ESYT3: variants seen among roughly 807,000 people sequenced by gnomAD.
The protein encoded by ESYT3 is extended synaptotagmin 3, also known as extended synaptotagmin-3.
ESYT3 carries 101 observed loss-of-function variants against 111.5 expected under a neutral mutation model. The observed-to-expected ratio is 0.91, with a 90% CI of 0.77 to 1.07. The LOEUF (loss-of-function observed/expected upper bound fraction) is 1.07. Among genes scored for constraint, ESYT3 ranks in the 50% least tolerant of loss-of-function variants. The pLI, the probability that ESYT3 is intolerant of heterozygous loss-of-function variation, is 0.00. For synonymous variants in ESYT3, 416 were observed against 446.8 expected (o/e 0.93, Z 0.87); for missense variants, 1,097 against 1,109.4 (o/e 0.99, Z 0.16).
At chr3:138,456,847 T>G (rs1363893425) in intron 3 of ESYT3, among the ~76,000 whole-genome samples, 1 of 152,156 alleles carries the variant, frequency 6.6e-6, no homozygotes, top group African/African-American at 2.4e-5. Context: ...GTAGCACTGC[T>G]GGCAAGCAAT....
intron 2 of ESYT3, 145 bp downstream of exon 2, chr3:138,452,234 AC>A: frequency 1.4e-6 from 1 of 698,800 alleles, no homozygotes. Flanking sequence ...CTCTTCTTTC[AC>A]CAGAATGGCT....
At chr3:138,469,608 G>A in intron 15 of ESYT3, 104 bp downstream of exon 15, 1 of 838,420 alleles carries the variant, frequency 1.2e-6, no homozygotes, top group Non-Finnish European at 2.0e-6. Flanking sequence ...TGAATGCCTA[G>A]TAGGCACTTG....
intron 5 of ESYT3, among the ~76,000 whole-genome samples, chr3:138,459,720 GCC>G (rs919873732): frequency 1.3e-5 from 2 of 152,232 alleles, no homozygotes; most frequent in African/African-American, 4.8e-5. Flanking sequence ...AGGCAGTGGG[GCC>G]AGCTCAGGGC....
chr3:138,446,902 G>T (rs1470353065), intron 1 of ESYT3, among the ~76,000 whole-genome samples: 1 of 152,146 alleles, frequency 6.6e-6, no homozygotes, highest in Admixed American at 6.5e-5. Context: ...AGGCGTGGTG[G>T]TGCATACCTG....
intron 11 of ESYT3, among the ~76,000 whole-genome samples, chr3:138,467,827 A>G (rs1441538923): frequency 6.6e-6 from 1 of 152,082 alleles, no homozygotes; most frequent in Admixed American, 6.5e-5. Context: ...CCCACAGATT[A>G]AGGACCCCAG....
intron 1 of ESYT3, among the ~76,000 whole-genome samples, chr3:138,438,662 T>C: frequency 6.6e-6 from 1 of 152,226 alleles, no homozygotes; most frequent in Admixed American, 6.5e-5. Context: ...TTTCCCTGAC[T>C]GAACCTGTTT....
chr3:138,453,666 C>A (rs1195082041), intron 2 of ESYT3, among the ~76,000 whole-genome samples: 1 of 152,146 alleles, frequency 6.6e-6, no homozygotes, highest in Non-Finnish European at 1.5e-5. Context: ...CTGTGTATTA[C>A]TGAAAGAAAG....
chr3:138,475,771 C>T (rs1201808101), intron 20 of ESYT3, among the ~76,000 whole-genome samples: 1 of 151,980 alleles, frequency 6.6e-6, no homozygotes, highest in Admixed American at 6.6e-5. Context: ...CTACTAAAAA[C>T]ACAAAAAATT....
intron 1 of ESYT3, among the ~76,000 whole-genome samples, chr3:138,443,344 T>C (rs2031294641): frequency 6.6e-6 from 1 of 152,228 alleles, no homozygotes; most frequent in Non-Finnish European, 1.5e-5. Flanking sequence ...AATGGTTAAA[T>C]GTTTGCCTTC....
intron 2 of ESYT3, among the ~76,000 whole-genome samples, chr3:138,453,814 C>T (rs1269722812): frequency 6.6e-6 from 1 of 152,168 alleles, no homozygotes; most frequent in Non-Finnish European, 1.5e-5. Context: ...CTGCTTCTTC[C>T]AAATTTACCC....
rs368220551 is a variant in ESYT3, at chr3:138,473,554, A to T, written c.2256A>T (p.Arg752=). 4 of 1,613,496 alleles carry T rather than the reference A, an allele frequency of 2.5e-6. No individual in the cohort carries two copies. Among genetic ancestry groups the T allele is most frequent in the East Asian group, 2.2e-5 (1 of 44,856 alleles). ...TTTACAGAGGTGGGGACCTCAGGCG[A>T]CGGCAGCTGGGTGAGATTCAGCTCA... is the stretch of plus-strand genomic sequence containing the variant. The part of the protein sequence containing the change: ...SLNIEGGDLR[R]RQLGEIQLTV... The change falls in exon 19 of 23, where the codon CGA becomes CGT. Residue 752 remains arginine, a synonymous_variant. Transcript: ENST00000389567.
chr3:138,473,414 G>A, intron 18 of ESYT3, 122 bp from the exon 19 acceptor site: 1 of 825,198 alleles, frequency 1.2e-6, no homozygotes, highest in Non-Finnish European at 1.9e-6. Context: ...TAAACTCACT[G>A]TGAATTATTA....
chr3:138,445,259 T>C (rs751511913), intron 1 of ESYT3, among the ~76,000 whole-genome samples: 8 of 152,228 alleles, frequency 5.3e-5, no homozygotes, highest in Non-Finnish European at 1.2e-4. Context: ...ATTTTAGGGC[T>C]CAGTTCAGTG....
intron 1 of ESYT3, among the ~76,000 whole-genome samples, chr3:138,451,674 C>G (rs1039174226): frequency 1.3e-5 from 2 of 152,200 alleles, no homozygotes; most frequent in Non-Finnish European, 2.9e-5. Flanking sequence ...CCTCGGCCTC[C>G]GCGTGGGACT....
At chr3:138,462,050 G>A in intron 7 of ESYT3, 36 bp from the exon 8 acceptor site, 1 of 1,612,612 alleles carries the variant, frequency 6.2e-7, no homozygotes, top group Non-Finnish European at 8.5e-7. Context: ...GGGAGGCAGT[G>A]CCACCCCTCC....
At position 138,474,333 on chromosome 3, in the gene ESYT3, G is replaced by A. The variant is rs887222585; in HGVS notation, c.2449G>A (p.Glu817Lys). The change falls in exon 20 of 23, where the codon GAA (glutamate) becomes AAA (lysine). Residue 817 changes from glutamate to lysine, a missense_variant. Coordinates refer to ENST00000389567, the MANE Select transcript of ESYT3 (RefSeq NM_031913.5). ...KKTSVKRKTL[E>K]PLFDETFEFF... ...GACTTCAGTGAAGCGGAAGACCTTG[G>A]AACCCCTGTTTGATGAGACGTAAGT... 1.9e-6 allele frequency: 3 copies of A among 1,598,350 alleles called. No homozygotes were observed. The highest frequency in any genetic ancestry group is 2.6e-6 in the Non-Finnish European group (3 of 1,176,086).
chr3:138,456,003 G>A (rs1307801356), intron 3 of ESYT3, among the ~76,000 whole-genome samples: 6 of 152,234 alleles, frequency 3.9e-5, no homozygotes, highest in Non-Finnish European at 5.9e-5. Flanking sequence ...CCCAGTAAAT[G>A]AGAGGCACTG....
chr3:138,448,078 C>T (rs928515347), intron 1 of ESYT3, among the ~76,000 whole-genome samples: 2 of 151,344 alleles, frequency 1.3e-5, no homozygotes, highest in Non-Finnish European at 2.9e-5. Context: ...CCAGCCTGGC[C>T]AACATGGTGA....
chr3:138,434,990 C>G lies in ESYT3; in HGVS notation c.192C>G (p.Leu64=). ...GGCTCAGCATAACCTGGTTGCTGCT[C>G]GGCGCCCTGCTGTGGATGTGGTGGC... is the stretch of plus-strand genomic sequence containing the variant. ...YLGLSITWLL[L]GALLWMWWRR... is the part of the protein sequence containing the mutation. The change falls in exon 1 of 23, where the codon CTC becomes CTG. Residue 64 remains leucine (L), a synonymous_variant. Transcript: ENST00000389567. 6.4e-7 allele frequency: 1 copy of G among 1,561,570 alleles called. No individual in the cohort carries two copies. Among genetic ancestry groups the G allele is most frequent in the African/African-American group, 1.3e-5 (1 of 74,190 alleles).
Sources: allele counts gnomAD v4.1 joint callset (sites outside exome capture counted in the v4.1 genomes callset), GRCh38; gene constraint gnomAD v4.1.1; transcripts MANE v1.5; gene names NCBI Gene and HGNC (gene_info 2026-07-23, HGNC 2026-07-21).